SLC44A5: variants seen among roughly 807,000 people sequenced by gnomAD.
SLC44A5 encodes the protein solute carrier family 44 member 5, also known as choline transporter-like protein 5.
In SLC44A5, 57 loss-of-function variants were observed where a neutral mutation model predicts 101.8. The ratio of observed to expected loss-of-function variants is 0.56; its 90% CI spans 0.45 to 0.70. The LOEUF is 0.70. Among genes scored for constraint, SLC44A5 ranks in the 30% least tolerant of loss-of-function variants. The pLI is 0.00. For missense variants in SLC44A5, 737 were observed against 853.1 expected, an observed-to-expected ratio of 0.86 and a Z score of 1.70; for synonymous variants, 281 against 290.9, an observed-to-expected ratio of 0.97 and a Z score of 0.35.
intron 23 of SLC44A5, among the ~76,000 whole-genome samples, chr1:75,209,730 C>T (rs1224164473): frequency 1.3e-5 from 2 of 152,138 alleles, no homozygotes; most frequent in African/African-American, 4.8e-5. Context: ...CTATAGTTAT[C>T]GTCTCTCTTG....
intron 1 of SLC44A5, among the ~76,000 whole-genome samples, chr1:75,565,463 G>T (rs1054292336): frequency 1.3e-5 from 2 of 152,174 alleles, no homozygotes; most frequent in Non-Finnish European, 2.9e-5. Flanking sequence ...GTATCCTCAC[G>T]TATGGTAACA....
chr1:75,216,451 T>G (rs1052337741), intron 18 of SLC44A5, among the ~76,000 whole-genome samples: 5 of 151,908 alleles, frequency 3.3e-5, no homozygotes, highest in African/African-American at 1.2e-4. Context: ...ATTCTTTTCA[T>G]GTATATCTAG....
At chr1:75,658,563 A>G in the SLC44A5 span, among the ~76,000 whole-genome samples, 1 of 152,218 alleles carries the variant, frequency 6.6e-6, no homozygotes, top group Non-Finnish European at 1.5e-5. Context: ...AGCAATTACA[A>G]CATTTCTTGA....
intron 3 of SLC44A5, among the ~76,000 whole-genome samples, chr1:75,358,003 T>TACACACAC (rs145085735): frequency 2.9e-5 from 4 of 139,162 alleles, no homozygotes; most frequent in Non-Finnish European, 4.8e-5. Flanking sequence ...CAATGTCACT[T>TACACACAC]ACACACACAC....
rs777965736 is a variant in SLC44A5 at position 75,238,549 on chromosome 1, C to T, written c.620G>A (p.Gly207Glu). The part of the protein sequence containing the change: ...SKMMFQDGNG[G>E]TRSVVELGIA... Reference sequence around the variant, plus strand: ...CCCGAGTTCTACAACACTTCTTGTCCCTCCATTTCCATCTTGAAACATCAT... The same window carrying T: ...CCCGAGTTCTACAACACTTCTTGTCTCTCCATTTCCATCTTGAAACATCAT... The change falls in exon 10 of 24, where the codon GGG (glycine) becomes GAG (glutamate). Residue 207 changes from glycine (G) to glutamate (E), a missense_variant. By Grantham distance (98) the Gly-to-Glu change is moderately conservative. Coordinates refer to ENST00000370859, the MANE Select transcript of SLC44A5 (RefSeq NM_001130058.2). 1.9e-6 allele frequency: 3 copies of T among 1,600,574 alleles called. No homozygotes were observed. Among genetic ancestry groups the T allele is most frequent in the African/African-American group, 1.3e-5 (1 of 74,112 alleles).
the SLC44A5 span, among the ~76,000 whole-genome samples, chr1:75,681,098 T>G: frequency 6.6e-6 from 1 of 151,586 alleles, no homozygotes. Context: ...AATAACAGGA[T>G]CTGAAATTGT....
chr1:75,430,290 G>T (rs1436606268), intron 2 of SLC44A5, among the ~76,000 whole-genome samples: 1 of 152,042 alleles, frequency 6.6e-6, no homozygotes, highest in African/African-American at 2.4e-5. Context: ...TAGCAACAAG[G>T]TGCCATCTTG....
At chr1:75,251,111 C>T in intron 7 of SLC44A5, 99 bp downstream of exon 7, 1 of 871,382 alleles carries the variant, frequency 1.1e-6, no homozygotes, top group Non-Finnish European at 1.9e-6. Flanking sequence ...ACCCCCTGCC[C>T]ACGCACACAC....
intron 12 of SLC44A5, among the ~76,000 whole-genome samples, chr1:75,229,608 T>C (rs1461570586): frequency 1.3e-5 from 2 of 152,178 alleles, no homozygotes; most frequent in Non-Finnish European, 2.9e-5. Flanking sequence ...ATACTGCCAT[T>C]TTCACTCCTT....
chr1:75,369,738 T>C (rs1445543045), intron 3 of SLC44A5, among the ~76,000 whole-genome samples: 1 of 152,154 alleles, frequency 6.6e-6, no homozygotes, highest in Non-Finnish European at 1.5e-5. Flanking sequence ...TTCTTTCATT[T>C]CTTCAATATA....
chr1:75,310,991 TGAG>T lies in SLC44A5; in HGVS notation c.102-10309_102-10307del, dbSNP rs779484431. Among the ~76,000 whole-genome samples the T allele has an allele frequency of 3.6e-4, 55 of 151,998 alleles. 1 individual carries two copies. The highest frequency in any genetic ancestry group is 5.7e-4 in the Non-Finnish European group (39 of 67,966). ...TATACATTTACAGTTGTCATTACAT[TGAG>T]TATTAAAATATAAATTTTTAAAGTT... On this transcript the variant is annotated intron_variant, in intron 4 of 23. Coordinates refer to ENST00000370859, the MANE Select transcript of SLC44A5 (RefSeq NM_001130058.2).
At chr1:75,349,955 T>A (rs1030022005) in intron 3 of SLC44A5, among the ~76,000 whole-genome samples, 1 of 151,702 alleles carries the variant, frequency 6.6e-6, no homozygotes, top group African/African-American at 2.4e-5. Flanking sequence ...TATAATCAGG[T>A]AAGAAAGAAA....
intron 5 of SLC44A5, among the ~76,000 whole-genome samples, chr1:75,289,028 G>A (rs1034443045): frequency 6.6e-6 from 1 of 152,158 alleles, no homozygotes; most frequent in African/African-American, 2.4e-5. Context: ...TGTGCTAATG[G>A]ATAGGAGAAA....
chr1:75,253,747 A>C (rs1649774994), intron 6 of SLC44A5, among the ~76,000 whole-genome samples: 1 of 152,124 alleles, frequency 6.6e-6, no homozygotes, highest in African/African-American at 2.4e-5. Context: ...TGATTTATAA[A>C]CTGCAAACTG....
chr1:75,697,255 T>C, the SLC44A5 span, among the ~76,000 whole-genome samples: 1 of 152,158 alleles, frequency 6.6e-6, no homozygotes, highest in Admixed American at 6.5e-5. Context: ...AAAAATTGTT[T>C]TTTAAAGTAG....
At chr1:75,450,822 T>C (rs967482858) in intron 2 of SLC44A5, among the ~76,000 whole-genome samples, 2 of 152,158 alleles carry the variant, frequency 1.3e-5, no homozygotes, top group African/African-American at 2.4e-5. Context: ...AAGATCCTAG[T>C]ACAGGAAGGC....
At chr1:75,235,223 T>G (rs1223863088) in intron 11 of SLC44A5, among the ~76,000 whole-genome samples, 1 of 152,000 alleles carries the variant, frequency 6.6e-6, no homozygotes, top group African/African-American at 2.4e-5. Flanking sequence ...AAGGGAAGTA[T>G]TCAGAAATGT....
chr1:75,466,591 G>A (rs2101713926), intron 2 of SLC44A5, among the ~76,000 whole-genome samples: 1 of 151,186 alleles, frequency 6.6e-6, no homozygotes, highest in East Asian at 1.9e-4. Context: ...GGAAGGTGGA[G>A]GTGGCAGTGA....
At chr1:75,671,387 T>C in the SLC44A5 span, among the ~76,000 whole-genome samples, 1 of 152,016 alleles carries the variant, frequency 6.6e-6, no homozygotes, top group Non-Finnish European at 1.5e-5. Flanking sequence ...CAAAACATCA[T>C]AAAATACAGA....
Sources: gnomAD v4.1 joint callset for allele counts (sites outside exome capture counted in the v4.1 genomes callset) on GRCh38, gnomAD v4.1.1 for gene constraint, MANE v1.5 for transcripts, NCBI Gene and HGNC (gene_info 2026-07-23, HGNC 2026-07-21) for gene names.